UBAP1: variants seen among roughly 807,000 people sequenced by gnomAD.
UBAP1 encodes ubiquitin associated protein 1.
Under a neutral mutation model 39.0 loss-of-function variants are expected in UBAP1, and 5 were observed. That is an observed-to-expected ratio of 0.13 (90% CI 0.07 to 0.27). UBAP1 has a LOEUF of 0.27. UBAP1 is among the 10% of genes least tolerant of loss of function. UBAP1 has a pLI of 1.00. For missense variants in UBAP1, 490 were observed against 608.1 expected (o/e 0.81, Z 2.04); for synonymous variants, 211 against 225.1 (o/e 0.94, Z 0.56).
chr9:34,196,598 C>G (rs534855866), intron 1 of UBAP1, among the ~76,000 whole-genome samples: 2 of 151,530 alleles, frequency 1.3e-5, no homozygotes, highest in African/African-American at 4.8e-5. Context: ...ATTACGGCCA[C>G]GGCGCCCAGC....
intron 1 of UBAP1, among the ~76,000 whole-genome samples, chr9:34,181,116 C>CTTTTTCT (rs1554644658): frequency 6.9e-5 from 5 of 72,238 alleles, no homozygotes; most frequent in Non-Finnish European, 1.0e-4. Context: ...GGCCTGTTTT[C>CTTTTTCT]TTTTTTTTTT....
At chr9:34,197,207 T>G (rs1831118423) in intron 1 of UBAP1, among the ~76,000 whole-genome samples, 1 of 150,940 alleles carries the variant, frequency 6.6e-6, no homozygotes, top group Non-Finnish European at 1.5e-5. Context: ...ATTACAGATG[T>G]GAGCCACTGT....
Position 34,181,998 on chromosome 9 carries a change from T to TA in UBAP1, c.-8+2759dup, listed in dbSNP as rs1386047846. The stretch of plus-strand genomic sequence containing the variant: ...TTTTTTTTGTAGAGAAGGGGTCTCT[T>TA]ATGTTGCCCAGTCTGATTTTGAACT... On this transcript the variant is annotated intron_variant, in intron 1 of 6. Transcript: ENST00000297661. Among the ~76,000 whole-genome samples, 3 of 149,202 alleles carry TA rather than the reference T, an allele frequency of 2.0e-5. No individual in the cohort carries two copies. The Admixed American group carries it at 2.0e-4, about 10-fold the overall frequency.
At chr9:34,196,561 C>T (rs1203917744) in intron 1 of UBAP1, among the ~76,000 whole-genome samples, 2 of 151,892 alleles carry the variant, frequency 1.3e-5, no homozygotes, top group Non-Finnish European at 2.9e-5. Context: ...AGGTGATCTG[C>T]CCTACTCGGC....
intron 2 of UBAP1, among the ~76,000 whole-genome samples, chr9:34,225,705 A>G (rs1353430416): frequency 6.7e-6 from 1 of 149,984 alleles, no homozygotes; most frequent in Non-Finnish European, 1.5e-5. Context: ...GCGTGAACCC[A>G]GGAGGAAGAG....
At chr9:34,230,984 C>G (rs999835873) in intron 2 of UBAP1, among the ~76,000 whole-genome samples, 2 of 151,794 alleles carry the variant, frequency 1.3e-5, no homozygotes, top group Non-Finnish European at 2.9e-5. Flanking sequence ...TGGAGACCAG[C>G]CTGGACGACA....
chr9:34,247,181 G>A (rs1313309738), intron 4 of UBAP1, among the ~76,000 whole-genome samples: 2 of 152,054 alleles, frequency 1.3e-5, no homozygotes, highest in African/African-American at 2.4e-5. Flanking sequence ...ATTTTGATGA[G>A]GGATCCTTTC....
At chr9:34,195,028 A>C (rs1420943220) in intron 1 of UBAP1, among the ~76,000 whole-genome samples, 1 of 152,130 alleles carries the variant, frequency 6.6e-6, no homozygotes, top group Non-Finnish European at 1.5e-5. Flanking sequence ...CACTTTATTC[A>C]TCCCTGTGTA....
At chr9:34,234,663 C>T (rs937021347) in intron 3 of UBAP1, among the ~76,000 whole-genome samples, 2 of 151,966 alleles carry the variant, frequency 1.3e-5, no homozygotes, top group African/African-American at 4.8e-5. Context: ...ATTCCTATCA[C>T]ATAGTGACGT....
At chr9:34,182,623 C>CTT (rs1491204880) in intron 1 of UBAP1, among the ~76,000 whole-genome samples, 5 of 34,960 alleles carry the variant, frequency 1.4e-4, no homozygotes, top group South Asian at 1.3e-3. Context: ...TTCCTTCTTT[C>CTT]TTTCTTTCTT....
At chr9:34,250,442 G>A (rs1179833501) in intron 5 of UBAP1, among the ~76,000 whole-genome samples, 3 of 152,168 alleles carry the variant, frequency 2.0e-5, no homozygotes, top group African/African-American at 7.2e-5. Context: ...TTTGGAAAAT[G>A]CCTGCTCCTG....
At chr9:34,202,624 C>CCTGTGTGTGGT in intron 1 of UBAP1, among the ~76,000 whole-genome samples, 1 of 107,324 alleles carries the variant, frequency 9.3e-6, no homozygotes, top group Non-Finnish European at 1.9e-5. Flanking sequence ...TAGACAGAAA[C>CCTGTGTGTGGT]GTGTGTGTGT....
In UBAP1 at chr9:34,183,371, G is replaced by A. The variant is rs371778506; in HGVS notation, c.-8+4131G>A. Among the ~76,000 whole-genome samples the A allele has an allele frequency of 8.8e-4, 133 of 151,406 alleles. 4 individuals carry two copies. The South Asian group carries it at 0.027, about 31-fold the overall frequency. Reference sequence around the variant, plus strand: ...ATCCTGGCTAACACGGTGAAATCCCGTCTGTACTAAAAAATACAAAAAAAT... The same window carrying A: ...ATCCTGGCTAACACGGTGAAATCCCATCTGTACTAAAAAATACAAAAAAAT... On this transcript the variant is annotated intron_variant, in intron 1 of 6. Transcript: ENST00000297661.
At chr9:34,200,581 T>C (rs1284242717) in intron 1 of UBAP1, among the ~76,000 whole-genome samples, 1 of 152,236 alleles carries the variant, frequency 6.6e-6, no homozygotes, top group East Asian at 1.9e-4. Flanking sequence ...AGCTATATGC[T>C]TTAGAATTTT....
chr9:34,250,882 T>G, intron 6 of UBAP1, 123 bp downstream of exon 6: 1 of 796,498 alleles, frequency 1.3e-6, no homozygotes, highest in South Asian at 1.4e-5. Flanking sequence ...GTACAAGTAT[T>G]TGAAGGGCAG....
At position 34,180,937 on chromosome 9, in the gene UBAP1, A is replaced by G. The variant is rs1408521822; in HGVS notation, c.-8+1697A>G. ...GTGACTGTCCTGCCTCAGCCTCCCG[A>G]GTAGCTGAGATTATAGACACCCACC... is the stretch of plus-strand genomic sequence containing the variant. On this transcript the variant is annotated intron_variant, in intron 1 of 6. Transcript: ENST00000297661. 2.1e-5 allele frequency among the ~76,000 whole-genome samples: 3 copies of G among 146,006 alleles called. No individual in the cohort carries two copies. The East Asian group carries it at 6.2e-4, about 30-fold the overall frequency.
chr9:34,239,019 T>C (rs1267450283), intron 3 of UBAP1, among the ~76,000 whole-genome samples: 1 of 152,162 alleles, frequency 6.6e-6, no homozygotes, highest in Admixed American at 6.5e-5. Context: ...ATGTGGGCCA[T>C]GTGAAATATT....
chr9:34,210,929 T>C (rs1489835721), intron 1 of UBAP1, among the ~76,000 whole-genome samples: 1 of 152,050 alleles, frequency 6.6e-6, no homozygotes, highest in Non-Finnish European at 1.5e-5. Context: ...AAGTATCTTT[T>C]GTTAATTTTT....
chr9:34,227,619 G>A (rs1833171758), intron 2 of UBAP1, among the ~76,000 whole-genome samples: 1 of 152,182 alleles, frequency 6.6e-6, no homozygotes, highest in Non-Finnish European at 1.5e-5. Context: ...TTTATCCTGA[G>A]TCATTACATA....
Sources: allele counts gnomAD v4.1 joint callset (sites outside exome capture counted in the v4.1 genomes callset), GRCh38; gene constraint gnomAD v4.1.1; transcripts MANE v1.5; gene names NCBI Gene and HGNC (gene_info 2026-07-23, HGNC 2026-07-21).